Variants in SON observed in about 807,000 individuals in gnomAD.
SON encodes the protein protein SON.
SON carries 4 observed loss-of-function variants against 173.3 expected under a neutral mutation model. That is an observed-to-expected ratio of 0.02 (90% CI 0.01 to 0.05). The LOEUF (loss-of-function observed/expected upper bound fraction) is 0.05, where lower values mean the gene tolerates loss of function less well. SON is among the 10% of genes least tolerant of loss of function. SON has a pLI of 1.00. For synonymous variants in SON, 1,190 were observed against 1,105.9 expected, an observed-to-expected ratio of 1.08 and a Z score of -1.51; for missense variants, 2,626 against 3,055.3, an observed-to-expected ratio of 0.86 and a Z score of 3.31.
At position 33,553,532 on chromosome 21, in the gene SON, C is replaced by T; in HGVS notation, c.4301C>T (p.Ser1434Leu). Residue 1434 changes from serine (S) to leucine (L), a missense_variant, in exon 3 of 12, where the codon TCA (serine) becomes TTA (leucine). Transcript: ENST00000356577. ...GTCCTTCAACCTTCTATGATTGTTT[C>T]AGAACCATCTGTTTCTGTCCAGGAA... ...VSVLQPSMIV[S>L]EPSVSVQEST... The T allele has an allele frequency of 6.2e-7, 1 of 1,614,196 alleles. No homozygotes were observed. The highest frequency in any genetic ancestry group is 8.5e-7 in the Non-Finnish European group (1 of 1,180,030).
At position 33,551,376 on chromosome 21, in the gene SON, A is replaced by G. The variant is rs759250241; in HGVS notation, c.2145A>G (p.Ile715Met). 7 of 1,613,996 alleles carry G rather than the reference A, an allele frequency of 4.3e-6. No individual in the cohort carries two copies. The Admixed American group carries it at 8.3e-5, about 19-fold the overall frequency. ...VDPLMAPESH[I>M]LASNTMETHI... ...CCTTGATGGCCCCAGAATCCCATATATTAGCTTCTAACACCATGGAGACCC... is the reference window on the plus strand; with the variant it reads ...CCTTGATGGCCCCAGAATCCCATATGTTAGCTTCTAACACCATGGAGACCC... Residue 715 changes from isoleucine to methionine, a missense_variant, in exon 3 of 12, where the codon ATA becomes ATG. Ile to Met is a conservative substitution (Grantham distance 10, BLOSUM62 1). This residue lies in a region of SON where 182 missense variants were observed against 193.6 expected (regional missense o/e 0.94). Coordinates refer to ENST00000356577, the MANE Select transcript of SON (RefSeq NM_138927.4).
At chr21:33,560,933 C>CCT (rs2145854023) in intron 6 of SON, 1 of 152,290 alleles carries the variant, frequency 6.6e-6, no homozygotes, top group South Asian at 2.1e-4. Context: ...CCAGTAAACA[C>CCT]CTCCAATTCT....
At chr21:33,543,308 T>C in intron 1 of SON, 139 bp downstream of exon 1, 1 of 769,838 alleles carries the variant, frequency 1.3e-6, no homozygotes, top group Non-Finnish European at 2.2e-6. Flanking sequence ...GGATCCATTT[T>C]CCGGGCCCCC....
chr21:33,559,183 C>T lies in SON; in HGVS notation c.6322-47C>T. 1 of 1,393,164 alleles carries T rather than the reference C, an allele frequency of 7.2e-7. No individual in the cohort carries two copies. Among genetic ancestry groups the T allele is most frequent in the Non-Finnish European group, 9.6e-7 (1 of 1,043,330 alleles). 86.3% of individuals were successfully genotyped at this position (1,393,164 alleles called of 1,614,324 possible). A position where few individuals can be genotyped will look rare whatever the true frequency, so the allele number is the denominator to read the frequency against. ...TTTTGATTCTAAGAAATTACATGTTCTACATAAAGCGTAAGATTTATCTTT... is the reference window on the plus strand; with the variant it reads ...TTTTGATTCTAAGAAATTACATGTTTTACATAAAGCGTAAGATTTATCTTT... On this transcript the variant is annotated intron_variant, in intron 4 of 11. Coordinates refer to ENST00000356577, the MANE Select transcript of SON (RefSeq NM_138927.4). This position sits in a 1 kb window ranked among gnomAD's most constrained non-coding sequence, Gnocchi z 4.1.
rs756059870 is a variant in SON at position 33,554,902 on chromosome 21, C to T, written c.5671C>T (p.Arg1891Cys). 8.7e-6 allele frequency: 14 copies of T among 1,613,780 alleles called. No individual in the cohort carries two copies. The highest frequency in any genetic ancestry group is 3.3e-4 in the Middle Eastern group (2 of 6,084). ...AAGAAGATCTGTATCAAAAGAGAAGCGCAAAAGATCTCCAAAGCACAGATC... is the reference window on the plus strand; with the variant it reads ...AAGAAGATCTGTATCAAAAGAGAAGTGCAAAAGATCTCCAAAGCACAGATC... ...RGRRSVSKEK[R>C]KRSPKHRSKS... The change falls in exon 3 of 12, where the codon CGC (arginine) becomes TGC (cysteine). Residue 1891 changes from arginine to cysteine, a missense_variant. Physicochemically the swap from Arg to Cys is radical, Grantham distance 180. Transcript: ENST00000356577.
chr21:33,571,930 C>T (rs2086293102), intron 8 of SON: 1 of 152,502 alleles, frequency 6.6e-6, no homozygotes, highest in Non-Finnish European at 1.5e-5. Flanking sequence ...ACAGCTGCCT[C>T]CTTCCATCAG....
At chr21:33,571,602 A>T (rs1007484456) in intron 8 of SON, 1 of 152,658 alleles carries the variant, frequency 6.6e-6, no homozygotes, top group Non-Finnish European at 1.5e-5. Context: ...TGATAAATAC[A>T]GTTTGTTATT....
chr21:33,543,244 C>T (rs2085502360), intron 1 of SON, 75 bp downstream of exon 1: 3 of 1,350,526 alleles, frequency 2.2e-6, no homozygotes, highest in African/African-American at 1.4e-5. Context: ...CACCTTTCTT[C>T]GGAGACGCAG....
intron 9 of SON, among the ~76,000 whole-genome samples, 170 bp downstream of exon 9, chr21:33,573,625 A>G (rs992770944): frequency 6.6e-6 from 1 of 152,218 alleles, no homozygotes; most frequent in African/African-American, 2.4e-5. Context: ...TTATTTTTAT[A>G]TAACTATGGA....
In SON at chr21:33,551,394, G is replaced by A. The variant is rs947118233; in HGVS notation, c.2163G>A (p.Met721Ile). 13 of 1,613,988 alleles carry A rather than the reference G, an allele frequency of 8.1e-6. No homozygotes were observed. The highest frequency in any genetic ancestry group is 2.5e-6 in the Non-Finnish European group (3 of 1,180,008). Residue 721 changes from methionine to isoleucine, a missense_variant, in exon 3 of 12, where the codon ATG (methionine) becomes ATA (isoleucine). Coordinates refer to ENST00000356577, the MANE Select transcript of SON (RefSeq NM_138927.4). The part of the protein sequence containing the change: ...PESHILASNT[M>I]ETHILASNTM... ...CCCATATATTAGCTTCTAACACCATGGAGACCCATATATTAGCATCCAACA... is the reference window on the plus strand; with the variant it reads ...CCCATATATTAGCTTCTAACACCATAGAGACCCATATATTAGCATCCAACA...
chr21:33,543,735 A>T (rs1344437002), intron 1 of SON, among the ~76,000 whole-genome samples: 1 of 152,244 alleles, frequency 6.6e-6, no homozygotes, highest in South Asian at 2.1e-4. Context: ...AAATGTTTCA[A>T]TTAAAACGAA....
rs2085718999 is a variant in SON at position 33,549,924 on chromosome 21, A to G, written c.693A>G (p.Ala231=). 3 of 1,614,238 alleles carry G rather than the reference A, an allele frequency of 1.9e-6. No individual in the cohort carries two copies. Among genetic ancestry groups the G allele is most frequent in the African/African-American group, 1.3e-5 (1 of 75,074 alleles). The part of the protein sequence containing the change: ...VISEQSEQSV[A]VMPEPSMTKI... Reference sequence around the variant, plus strand: ...CAGAGCAGTCAGAGCAGTCTGTGGCAGTAATGCCAGAACCATCCATGACAA... The same window carrying G: ...CAGAGCAGTCAGAGCAGTCTGTGGCGGTAATGCCAGAACCATCCATGACAA... Residue 231 remains alanine, a synonymous_variant, in exon 3 of 12, where the codon GCA becomes GCG. Coordinates refer to ENST00000356577, the MANE Select transcript of SON (RefSeq NM_138927.4).
rs1569055275 is a variant in SON at position 33,552,509 on chromosome 21, TGTC to T, written c.3282_3284del (p.Ser1095del). 6 of 1,614,102 alleles carry T rather than the reference TGTC, an allele frequency of 3.7e-6. No homozygotes were observed. Among genetic ancestry groups the T allele is most frequent in the South Asian group, 2.2e-5 (2 of 91,086 alleles). ...TCCATGGGTGCTGACCGGTCTATGA[TGTC>T]GTCATACTCTGCTGCTGACCGGTCT... On this transcript the variant is annotated inframe_deletion, in exon 3 of 12. Coordinates refer to ENST00000356577, the MANE Select transcript of SON (RefSeq NM_138927.4). This position sits in a 1 kb window ranked among gnomAD's most constrained non-coding sequence, Gnocchi z 5.6.
In SON at chr21:33,554,243, A is replaced by C; in HGVS notation, c.5012A>C (p.Asn1671Thr). 1 of 1,614,112 alleles carries C rather than the reference A, an allele frequency of 6.2e-7. No individual in the cohort carries two copies. Among genetic ancestry groups the C allele is most frequent in the Non-Finnish European group, 8.5e-7 (1 of 1,179,946 alleles). ...GATATTCATCTTGATTTACCATCTA[A>C]TAATAACCTTGTTAGTAAGGATACA... ...AKDIHLDLPS[N>T]NNLVSKDTEE... The change falls in exon 3 of 12, where the codon AAT (asparagine) becomes ACT (threonine). Residue 1671 changes from asparagine (N) to threonine (T), a missense_variant. Physicochemically the swap from Asn to Thr is moderately conservative, Grantham distance 65. Transcript: ENST00000356577.
At chr21:33,557,727 CCGG>C in intron 4 of SON, 1 of 1,418,738 alleles carries the variant, frequency 7.0e-7, no homozygotes, top group Non-Finnish European at 9.2e-7. Flanking sequence ...TCTTTTGCCA[CCGG>C]AGCTTGGAAA....
Position 33,551,260 on chromosome 21 carries a change from T to G in SON, c.2029T>G (p.Ser677Ala). The G allele has an allele frequency of 6.2e-7, 1 of 1,613,892 alleles. No individual in the cohort carries two copies. Residue 677 changes from serine (S) to alanine (A), a missense_variant, in exon 3 of 12, where the codon TCG becomes GCG. Coordinates refer to ENST00000356577, the MANE Select transcript of SON (RefSeq NM_138927.4). Reference protein sequence around the residue: ...MTVSQSLEVPSTTALESYNTV... With the variant: ...MTVSQSLEVPATTALESYNTV... ...CGTGTCGCAGTCCCTGGAGGTGCCCTCGACGACAGCGCTGGAATCCTATAA... is the reference window on the plus strand; with the variant it reads ...CGTGTCGCAGTCCCTGGAGGTGCCCGCGACGACAGCGCTGGAATCCTATAA...
At chr21:33,558,559 A>C (rs531980433) in intron 4 of SON, 1 of 152,174 alleles carries the variant, frequency 6.6e-6, no homozygotes, top group South Asian at 2.1e-4. Flanking sequence ...AAACGCTTCT[A>C]TTGCTTATTT....
intron 9 of SON, among the ~76,000 whole-genome samples, chr21:33,575,046 T>C (rs999177000): frequency 6.6e-6 from 1 of 152,156 alleles, no homozygotes; most frequent in Non-Finnish European, 1.5e-5. Context: ...ATAAGCTATT[T>C]TTTTTCTTTT....
intron 4 of SON, chr21:33,558,495 T>C (rs1472383878): frequency 6.6e-6 from 1 of 152,238 alleles, no homozygotes; most frequent in African/African-American, 2.4e-5. Flanking sequence ...GTTTCCTCAC[T>C]TAGATTTATT....
Sources: allele counts gnomAD v4.1 joint callset (sites outside exome capture counted in the v4.1 genomes callset), GRCh38; gene constraint gnomAD v4.1.1; regional missense constraint gnomAD v4.1.1; non-coding constraint Gnocchi (gnomAD v3.1); transcripts MANE v1.5; gene names NCBI Gene and HGNC (gene_info 2026-07-23, HGNC 2026-07-21).